The following FTCDNL1 variants were observed in gnomAD, a reference collection of about 807,000 sequenced individuals.
The protein encoded by FTCDNL1 is formiminotransferase N-terminal subdomain-containing protein.
FTCDNL1 carries 11 observed loss-of-function variants against 5.9 expected under a neutral mutation model. The observed-to-expected ratio is 1.87, with a 90% CI of 1.18 to 3.10. FTCDNL1 has a LOEUF of 3.10. Ranked by LOEUF, FTCDNL1 falls within the 30% of genes most tolerant of loss-of-function variation. FTCDNL1 has a pLI of 0.00. For synonymous variants in FTCDNL1, 58 were observed against 24.8 expected (o/e 2.34, Z -3.99); for missense variants, 115 against 65.5 (o/e 1.76, Z -2.61).
At chr2:199,693,895 G>A in the FTCDNL1 span, among the ~76,000 whole-genome samples, 20 of 152,228 alleles carry the variant, frequency 1.3e-4, no homozygotes, top group African/African-American at 4.3e-4. Context: ...AATCCTAATC[G>A]GCTTCATCTG....
the FTCDNL1 span, among the ~76,000 whole-genome samples, chr2:199,691,361 C>T: frequency 6.6e-6 from 1 of 152,094 alleles, no homozygotes; most frequent in African/African-American, 2.4e-5. Flanking sequence ...TTAGTAGAGA[C>T]AGGGTTTCTC....
chr2:199,747,377 A>T, the FTCDNL1 span, among the ~76,000 whole-genome samples: 1,691 of 152,250 alleles, frequency 0.011, 33 homozygotes, highest in African/African-American at 0.037. Context: ...TGCGGCCTGG[A>T]GTAATAACTA....
At chr2:199,697,337 C>T in the FTCDNL1 span, among the ~76,000 whole-genome samples, 1 of 151,974 alleles carries the variant, frequency 6.6e-6, no homozygotes, top group Non-Finnish European at 1.5e-5. Context: ...ATCAGATTTT[C>T]CAAGGTCAGT....
chr2:199,672,397 TAA>T, the FTCDNL1 span, among the ~76,000 whole-genome samples: 1 of 152,236 alleles, frequency 6.6e-6, no homozygotes, highest in Non-Finnish European at 1.5e-5. Context: ...ATGATGCACT[TAA>T]ATAGATGAAT....
chr2:199,712,044 T>C, the FTCDNL1 span, among the ~76,000 whole-genome samples: 6,010 of 152,118 alleles, frequency 0.04, 172 homozygotes, highest in Non-Finnish European at 0.064. Context: ...TCTATGCAGA[T>C]TTAGAGGTAA....
downstream of FTCDNL1, among the ~76,000 whole-genome samples, chr2:199,757,351 A>G (rs1292361931): frequency 6.6e-6 from 1 of 152,158 alleles, no homozygotes; most frequent in Non-Finnish European, 1.5e-5. Flanking sequence ...ATGGGGAGAG[A>G]GATTAGGAGC....
At chr2:199,797,305 T>C (rs1700220604) in intron 3 of FTCDNL1, among the ~76,000 whole-genome samples, 1 of 152,322 alleles carries the variant, frequency 6.6e-6, no homozygotes, top group African/African-American at 2.4e-5. Context: ...GAGATAAACA[T>C]ATATTTATTC....
the FTCDNL1 span, among the ~76,000 whole-genome samples, chr2:199,704,153 T>C: frequency 6.6e-6 from 1 of 152,172 alleles, no homozygotes; most frequent in African/African-American, 2.4e-5. Context: ...AGGAATTCCA[T>C]AACTGGGGTA....
chr2:199,763,934 C>T (rs774058091), intron 3 of FTCDNL1, among the ~76,000 whole-genome samples: 12 of 152,266 alleles, frequency 7.9e-5, no homozygotes, highest in Non-Finnish European at 1.5e-4. Context: ...TTCCACCTCC[C>T]GGGTTCAATC....
intron 2 of FTCDNL1, among the ~76,000 whole-genome samples, chr2:199,848,636 C>T (rs1009179187): frequency 6.6e-6 from 1 of 152,208 alleles, no homozygotes; most frequent in Admixed American, 6.5e-5. Context: ...TGAGCGTATG[C>T]AGACATTTGG....
downstream of FTCDNL1, among the ~76,000 whole-genome samples, chr2:199,809,099 T>C (rs1700885355): frequency 6.6e-6 from 1 of 152,164 alleles, no homozygotes; most frequent in Non-Finnish European, 1.5e-5. Context: ...GTCCATCATC[T>C]TTTCCATCTT....
At chr2:199,802,534 C>T (rs561906602) in intron 3 of FTCDNL1, among the ~76,000 whole-genome samples, 2 of 152,366 alleles carry the variant, frequency 1.3e-5, no homozygotes, top group East Asian at 1.9e-4. Flanking sequence ...ACTGGCTGCA[C>T]AATCCACATC....
At chr2:199,777,801 A>C (rs1271641599) in intron 3 of FTCDNL1, among the ~76,000 whole-genome samples, 1 of 152,106 alleles carries the variant, frequency 6.6e-6, no homozygotes, top group Non-Finnish European at 1.5e-5. Flanking sequence ...CACTCAGGGC[A>C]GAGGTTCATG....
intron 3 of FTCDNL1, among the ~76,000 whole-genome samples, chr2:199,784,569 C>A (rs1292209698): frequency 6.6e-6 from 1 of 152,148 alleles, no homozygotes; most frequent in South Asian, 2.1e-4. Context: ...GTGAGGGAAG[C>A]AGGATTGGGC....
chr2:199,675,944 G>T, the FTCDNL1 span, among the ~76,000 whole-genome samples: 1 of 152,112 alleles, frequency 6.6e-6, no homozygotes, highest in Non-Finnish European at 1.5e-5. Flanking sequence ...AGAGACAGGG[G>T]TCTCACTGTG....
At chr2:199,668,620 C>T in the FTCDNL1 span, among the ~76,000 whole-genome samples, 1 of 152,144 alleles carries the variant, frequency 6.6e-6, no homozygotes, top group African/African-American at 2.4e-5. Flanking sequence ...TGCCACTACT[C>T]TGAGACCTCC....
At chr2:199,748,155 A>G in the FTCDNL1 span, among the ~76,000 whole-genome samples, 1 of 152,230 alleles carries the variant, frequency 6.6e-6, no homozygotes, top group Non-Finnish European at 1.5e-5. Context: ...TAATTCAATG[A>G]AAGTATGAAA....
At chr2:199,830,553 A>G (rs1349779256) in intron 3 of FTCDNL1, among the ~76,000 whole-genome samples, 1 of 152,214 alleles carries the variant, frequency 6.6e-6, no homozygotes, top group Non-Finnish European at 1.5e-5. Context: ...GCTAACCAGT[A>G]TTCGTCCCAT....
intron 3 of FTCDNL1, among the ~76,000 whole-genome samples, chr2:199,769,860 G>A (rs1416485286): frequency 2.0e-5 from 3 of 152,028 alleles, no homozygotes; most frequent in Non-Finnish European, 4.4e-5. Context: ...TCAGTACCCA[G>A]TTTGATTGAA....
Sources: allele counts gnomAD v4.1 joint callset (sites outside exome capture counted in the v4.1 genomes callset), GRCh38; gene constraint gnomAD v4.1.1; transcripts MANE v1.5; gene names NCBI Gene and HGNC (gene_info 2026-07-23, HGNC 2026-07-21).